The following PCCA variants were observed in gnomAD, a reference collection of about 807,000 sequenced individuals.
PCCA encodes propionyl-CoA carboxylase subunit alpha.
Under a neutral mutation model 101.3 loss-of-function variants are expected in PCCA, and 74 were observed. That is an observed-to-expected ratio of 0.73 (90% CI 0.61 to 0.89). PCCA has a LOEUF of 0.89. Among genes scored for constraint, PCCA ranks in the 40% least tolerant of loss-of-function variants. The pLI, the probability that PCCA is intolerant of heterozygous loss-of-function variation, is 0.00. For synonymous variants in PCCA, 294 were observed against 313.6 expected, an observed-to-expected ratio of 0.94 and a Z score of 0.66; for missense variants, 891 against 907.0, an observed-to-expected ratio of 0.98 and a Z score of 0.23.
At chr13:100,221,691 C>T (rs684215) in intron 7 of PCCA, among the ~76,000 whole-genome samples, 107,536 of 151,308 alleles carry the variant, frequency 0.71, 39,578 homozygotes, top group African/African-American at 0.91. Context: ...GTTATAGTTT[C>T]CAGATAAGCA....
intron 1 of PCCA, among the ~76,000 whole-genome samples, chr13:100,094,132 G>A (rs1219135922): frequency 1.3e-5 from 2 of 151,516 alleles, no homozygotes; most frequent in Non-Finnish European, 2.9e-5. Context: ...GGAGGCTGAG[G>A]CAGGAGAATC....
intron 12 of PCCA, among the ~76,000 whole-genome samples, chr13:100,298,732 T>A (rs577818174): frequency 9.6e-6 from 1 of 104,258 alleles, no homozygotes. Flanking sequence ...CCTTCCTTCC[T>A]TCCTTCCTTC....
At chr13:100,372,906 AT>A (rs540239216) in intron 19 of PCCA, among the ~76,000 whole-genome samples, 1 of 151,078 alleles carries the variant, frequency 6.6e-6, no homozygotes, top group Non-Finnish European at 1.5e-5. Context: ...CACTTGGCTA[AT>A]TTTTTTTTGT....
intron 9 of PCCA, among the ~76,000 whole-genome samples, chr13:100,260,192 C>T (rs1162204714): frequency 6.6e-6 from 1 of 152,154 alleles, no homozygotes; most frequent in East Asian, 1.9e-4. Context: ...TTGCAGCCTC[C>T]TAAGATTCCC....
intron 19 of PCCA, among the ~76,000 whole-genome samples, chr13:100,407,313 A>T (rs1233190782): frequency 6.6e-6 from 1 of 152,212 alleles, no homozygotes; most frequent in Non-Finnish European, 1.5e-5. Flanking sequence ...CCTCTGGACT[A>T]TCCGAAAAGC....
At chr13:100,328,135 C>T (rs920237349) in intron 16 of PCCA, among the ~76,000 whole-genome samples, 4 of 151,970 alleles carry the variant, frequency 2.6e-5, no homozygotes, top group African/African-American at 4.8e-5. Context: ...GAGGCCGAGG[C>T]GGGCAGATCA....
At chr13:100,526,767 T>C (rs1237642111) in intron 22 of PCCA, among the ~76,000 whole-genome samples, 1 of 152,250 alleles carries the variant, frequency 6.6e-6, no homozygotes, top group East Asian at 1.9e-4. Flanking sequence ...GTGCGCAGCA[T>C]GGTTTTCAGC....
chr13:100,307,233 C>T lies in PCCA; in HGVS notation c.1326C>T (p.Ser442=), dbSNP rs934310912. ...GCATCCAACCAGGAAGTGATATTAG[C>T]ATTTATTATGATCCTATGATTTCAA... The part of the protein sequence containing the change: ...DSGIQPGSDI[S]IYYDPMISKL... Residue 442 remains serine (S), a synonymous_variant, in exon 15 of 24, where the codon AGC becomes AGT. Transcript: ENST00000376285. 5 of 1,608,690 alleles carry T rather than the reference C, an allele frequency of 3.1e-6. No individual in the cohort carries two copies. The African/African-American group carries it at 6.7e-5, about 22-fold the overall frequency.
intron 4 of PCCA, among the ~76,000 whole-genome samples, chr13:100,141,268 A>G (rs1283757537): frequency 6.6e-6 from 1 of 151,996 alleles, no homozygotes; most frequent in Non-Finnish European, 1.5e-5. Context: ...CACCTTTCAC[A>G]TTTCCACCAT....
At chr13:100,125,702 T>C (rs936206310) in intron 4 of PCCA, among the ~76,000 whole-genome samples, 4 of 152,218 alleles carry the variant, frequency 2.6e-5, no homozygotes, top group African/African-American at 7.2e-5. Context: ...TTTCTTTTCC[T>C]TTTCTTTTTT....
At chr13:100,327,053 TA>T (rs2068773801) in intron 16 of PCCA, among the ~76,000 whole-genome samples, 1 of 152,120 alleles carries the variant, frequency 6.6e-6, no homozygotes, top group Admixed American at 6.5e-5. Flanking sequence ...CATGCATCTT[TA>T]AAAAAATGAC....
At chr13:100,165,919 AT>A (rs2054992249) in intron 6 of PCCA, among the ~76,000 whole-genome samples, 1 of 152,240 alleles carries the variant, frequency 6.6e-6, no homozygotes, top group Non-Finnish European at 1.5e-5. Flanking sequence ...CAATAAAAAA[AT>A]AAACCAGAGT....
chr13:100,246,132 G>A (rs1566787343), intron 8 of PCCA, among the ~76,000 whole-genome samples: 1 of 152,152 alleles, frequency 6.6e-6, no homozygotes, highest in Non-Finnish European at 1.5e-5. Flanking sequence ...AGAAAGCCGA[G>A]GACAAGTCAG....
intron 22 of PCCA, among the ~76,000 whole-genome samples, chr13:100,523,920 G>A (rs1369678786): frequency 3.9e-5 from 6 of 152,174 alleles, no homozygotes; most frequent in Non-Finnish European, 8.8e-5. Flanking sequence ...CTGCAGGAAC[G>A]GGCCCCGCAC....
intron 9 of PCCA, among the ~76,000 whole-genome samples, chr13:100,258,613 A>G (rs189347364): frequency 6.6e-6 from 1 of 152,256 alleles, no homozygotes; most frequent in African/African-American, 2.4e-5. Flanking sequence ...CTCCAGGGCT[A>G]CTGTTAGTAA....
intron 12 of PCCA, 51 bp from the exon 13 acceptor site, chr13:100,301,409 A>G (rs771050101): frequency 6.2e-7 from 1 of 1,605,162 alleles, no homozygotes; most frequent in Non-Finnish European, 8.5e-7. Context: ...GTTTGTTTCT[A>G]TTTATTTACC....
intron 21 of PCCA, among the ~76,000 whole-genome samples, chr13:100,488,792 C>T (rs1019982866): frequency 2.0e-5 from 3 of 151,882 alleles, no homozygotes; most frequent in Non-Finnish European, 2.9e-5. Context: ...GGCAGCAGAG[C>T]GAGACCCTCC....
intron 21 of PCCA, chr13:100,491,884 G>A: frequency 3.8e-6 from 2 of 531,486 alleles, no homozygotes; most frequent in Non-Finnish European, 5.2e-6. Flanking sequence ...GAATCAAGTG[G>A]CTTCTGGGCC....
At chr13:100,427,933 T>C (rs1188320052) in intron 20 of PCCA, among the ~76,000 whole-genome samples, 1 of 152,214 alleles carries the variant, frequency 6.6e-6, no homozygotes, top group East Asian at 1.9e-4. Context: ...AGTACAGATA[T>C]GAACTTCTTT....
Sources: gnomAD v4.1 joint callset for allele counts (sites outside exome capture counted in the v4.1 genomes callset) on GRCh38, gnomAD v4.1.1 for gene constraint, MANE v1.5 for transcripts, NCBI Gene and HGNC (gene_info 2026-07-23, HGNC 2026-07-21) for gene names.